Variants in RAD51B observed in about 807,000 individuals in gnomAD.
The protein encoded by RAD51B is DNA repair protein RAD51 homolog 2.
In RAD51B, 38 loss-of-function variants were observed where a neutral mutation model predicts 42.2. The ratio of observed to expected loss-of-function variants is 0.90; its 90% CI spans 0.70 to 1.18. The LOEUF (loss-of-function observed/expected upper bound fraction) is 1.18, where lower values mean the gene tolerates loss of function less well. Among genes scored for constraint, RAD51B ranks in the 50% most tolerant of loss-of-function variants. The probability of loss-of-function intolerance (pLI) is 0.00; values close to 1 mark genes in which losing one functional copy is unlikely to be tolerated. For missense variants in RAD51B, 373 were observed against 400.7 expected, an observed-to-expected ratio of 0.93 and a Z score of 0.59; for synonymous variants, 154 against 145.2, an observed-to-expected ratio of 1.06 and a Z score of -0.43.
chr14:68,453,547 C>T (rs986596887), intron 9 of RAD51B, among the ~76,000 whole-genome samples: 2 of 152,160 alleles, frequency 1.3e-5, no homozygotes, highest in African/African-American at 4.8e-5. Context: ...AAGTCTCCAA[C>T]CCAGGATAAA....
intron 7 of RAD51B, among the ~76,000 whole-genome samples, chr14:68,191,883 G>C (rs1467400817): frequency 2.0e-5 from 3 of 152,176 alleles, no homozygotes; most frequent in African/African-American, 7.2e-5. Context: ...TAACCTGAGT[G>C]GTTTACTCAG....
chr14:68,153,241 C>T (rs1337457022), intron 7 of RAD51B, among the ~76,000 whole-genome samples: 1 of 152,046 alleles, frequency 6.6e-6, no homozygotes. Flanking sequence ...TTATAAATCC[C>T]ACACTCGATT....
intron 7 of RAD51B, among the ~76,000 whole-genome samples, chr14:67,913,382 G>A (rs1393745628): frequency 6.6e-6 from 1 of 152,112 alleles, no homozygotes; most frequent in Non-Finnish European, 1.5e-5. Context: ...ATGTGATCTT[G>A]GGACTGCTGG....
chr14:68,135,593 C>G (rs1259524772), intron 7 of RAD51B, among the ~76,000 whole-genome samples: 1 of 152,120 alleles, frequency 6.6e-6, no homozygotes, highest in Non-Finnish European at 1.5e-5. Context: ...TATTGCCTGT[C>G]AGTATTTCAC....
chr14:68,460,664 G>A (rs1485384371), intron 9 of RAD51B, among the ~76,000 whole-genome samples: 1 of 152,170 alleles, frequency 6.6e-6, no homozygotes, highest in Non-Finnish European at 1.5e-5. Flanking sequence ...AAGGCCTGGG[G>A]TGACTATGCC....
chr14:68,120,360 T>A (rs1454234512), intron 7 of RAD51B, among the ~76,000 whole-genome samples: 1 of 152,220 alleles, frequency 6.6e-6, no homozygotes, highest in Non-Finnish European at 1.5e-5. Flanking sequence ...TTTGTTGCCT[T>A]GATGTTAATT....
At chr14:68,435,985 C>T (rs2085139509) in intron 9 of RAD51B, among the ~76,000 whole-genome samples, 1 of 152,116 alleles carries the variant, frequency 6.6e-6, no homozygotes, top group East Asian at 1.9e-4. Context: ...TGTCTGTTTA[C>T]TCTGTTGTTA....
At chr14:68,052,041 A>G (rs1024386759) in intron 7 of RAD51B, among the ~76,000 whole-genome samples, 2 of 152,208 alleles carry the variant, frequency 1.3e-5, no homozygotes, top group Non-Finnish European at 2.9e-5. Flanking sequence ...ATTACATGTA[A>G]TAACCAGACC....
chr14:68,517,080 G>T (rs1343157479), intron 10 of RAD51B, among the ~76,000 whole-genome samples: 1 of 152,172 alleles, frequency 6.6e-6, no homozygotes, highest in Admixed American at 6.5e-5. Flanking sequence ...TAAACATTGT[G>T]TTCCATGAAA....
At chr14:67,893,489 CACACACACACACACACACACAA>C (rs1319251473) in intron 7 of RAD51B, among the ~76,000 whole-genome samples, 1 of 74,294 alleles carries the variant, frequency 1.3e-5, no homozygotes, top group South Asian at 4.2e-4. Context: ...CACACACACA[CACACACACACACACACACACAA>C]AAAAAAACAA....
intron 8 of RAD51B, among the ~76,000 whole-genome samples, chr14:68,362,772 C>G (rs1350771480): frequency 6.6e-6 from 1 of 152,014 alleles, no homozygotes; most frequent in Non-Finnish European, 1.5e-5. Flanking sequence ...TTGCTTGAAC[C>G]CAGGAGGCAG....
At chr14:68,220,846 A>G (rs1052348902) in intron 7 of RAD51B, among the ~76,000 whole-genome samples, 2 of 151,990 alleles carry the variant, frequency 1.3e-5, no homozygotes, top group African/African-American at 4.8e-5. Flanking sequence ...CAAGAACTCA[A>G]CCCCGGCCAG....
At chr14:67,992,756 T>G (rs1159023635) in intron 7 of RAD51B, among the ~76,000 whole-genome samples, 2 of 87,568 alleles carry the variant, frequency 2.3e-5, no homozygotes, top group Non-Finnish European at 4.5e-5. Flanking sequence ...AGGAAAAATG[T>G]TTTTTTTTTC....
At chr14:68,490,941 G>T (rs1884021087) in intron 10 of RAD51B, among the ~76,000 whole-genome samples, 2 of 152,210 alleles carry the variant, frequency 1.3e-5, no homozygotes, top group Admixed American at 1.3e-4. Flanking sequence ...CTGTCAAACT[G>T]CCCCTGGAGC....
chr14:68,284,205 A>T (rs2081373657), intron 7 of RAD51B, among the ~76,000 whole-genome samples: 1 of 152,208 alleles, frequency 6.6e-6, no homozygotes, highest in East Asian at 1.9e-4. Flanking sequence ...GATTGGAAGC[A>T]TTCTCACCAT....
intron 7 of RAD51B, among the ~76,000 whole-genome samples, chr14:68,075,890 G>C (rs967495655): frequency 6.6e-6 from 1 of 152,262 alleles, no homozygotes; most frequent in African/African-American, 2.4e-5. Flanking sequence ...AATAAGGGCA[G>C]TCCTGCTGCA....
rs528564065 is a variant in RAD51B at position 68,252,718 on chromosome 14, G to A, written c.757-39166G>A. Among the ~76,000 whole-genome samples the A allele has an allele frequency of 2.2e-4, 34 of 152,204 alleles. No homozygotes were observed. In the South Asian group the frequency reaches 6.0e-3, roughly 27 times the overall value. Reference sequence around the variant, plus strand: ...TGTTATTGATGGATATTTAGGTGGCGTCTAATTTTTCACTATTTCAAGCAA... The same window carrying A: ...TGTTATTGATGGATATTTAGGTGGCATCTAATTTTTCACTATTTCAAGCAA... On this transcript the variant is annotated intron_variant, in intron 7 of 10. Coordinates refer to ENST00000471583, the MANE Select transcript of RAD51B (RefSeq NM_133510.4).
intron 11 of RAD51B, among the ~76,000 whole-genome samples, chr14:68,678,557 C>G (rs1014858429): frequency 6.6e-6 from 1 of 152,138 alleles, no homozygotes; most frequent in Non-Finnish European, 1.5e-5. Context: ...AAGGCCCATC[C>G]AGAAGGAGGA....
At chr14:68,045,626 G>T (rs1237419993) in intron 7 of RAD51B, among the ~76,000 whole-genome samples, 1 of 152,060 alleles carries the variant, frequency 6.6e-6, no homozygotes, top group African/African-American at 2.4e-5. Context: ...AGCATAAAAT[G>T]TTCTGTACCT....
Sources: allele counts gnomAD v4.1 joint callset (sites outside exome capture counted in the v4.1 genomes callset), GRCh38; gene constraint gnomAD v4.1.1; transcripts MANE v1.5; gene names NCBI Gene and HGNC (gene_info 2026-07-23, HGNC 2026-07-21).